NUBPL: variants seen among roughly 807,000 people sequenced by gnomAD.
NUBPL encodes the protein iron-sulfur cluster transfer protein NUBPL.
In NUBPL, 31 loss-of-function variants were observed where a neutral mutation model predicts 45.7. That is an observed-to-expected ratio of 0.68 (90% CI 0.51 to 0.92). NUBPL has a LOEUF of 0.92. Among genes scored for constraint, NUBPL ranks in the 40% least tolerant of loss-of-function variants. The pLI is 0.00. For missense variants in NUBPL, 401 were observed against 398.7 expected, an observed-to-expected ratio of 1.01 and a Z score of -0.05; for synonymous variants, 144 against 140.9, an observed-to-expected ratio of 1.02 and a Z score of -0.15.
intron 4 of NUBPL, among the ~76,000 whole-genome samples, chr14:31,641,985 G>C (rs1056277418): frequency 6.6e-6 from 1 of 152,066 alleles, no homozygotes; most frequent in Non-Finnish European, 1.5e-5. Context: ...GTCTTCTTTT[G>C]AGAAACATCT....
chr14:31,767,369 A>AT (rs940159090), intron 6 of NUBPL, among the ~76,000 whole-genome samples: 3 of 151,798 alleles, frequency 2.0e-5, no homozygotes, highest in African/African-American at 7.3e-5. Flanking sequence ...TGCCTGGCTA[A>AT]TTTTTTTGTA....
At chr14:31,632,387 C>G (rs1474769638) in intron 4 of NUBPL, among the ~76,000 whole-genome samples, 1 of 152,158 alleles carries the variant, frequency 6.6e-6, no homozygotes, top group Non-Finnish European at 1.5e-5. Context: ...AATTAAATTC[C>G]TTGACCACCC....
intron 9 of NUBPL, among the ~76,000 whole-genome samples, 199 bp downstream of exon 9, chr14:31,846,790 A>G (rs145054967): frequency 0.015 from 2,217 of 152,156 alleles, 35 homozygotes; most frequent in African/African-American, 0.045. Context: ...CCCTGTCTCT[A>G]CTAAAAATAC....
chr14:31,600,596 T>C (rs1282029675), intron 4 of NUBPL, among the ~76,000 whole-genome samples: 1 of 152,228 alleles, frequency 6.6e-6, no homozygotes, highest in African/African-American at 2.4e-5. Flanking sequence ...AGCAATTTTA[T>C]TGGAGGACCT....
At chr14:31,729,306 A>C (rs959696792) in intron 6 of NUBPL, among the ~76,000 whole-genome samples, 4 of 135,466 alleles carry the variant, frequency 3.0e-5, no homozygotes, top group African/African-American at 1.0e-4. Flanking sequence ...AAGTCATTCA[A>C]CAAATATGTA....
chr14:31,632,926 C>G (rs996270063), intron 4 of NUBPL, among the ~76,000 whole-genome samples: 3 of 152,120 alleles, frequency 2.0e-5, no homozygotes, highest in Admixed American at 1.3e-4. Flanking sequence ...ATATGTTAAT[C>G]TATATTTTAC....
chr14:31,829,605 C>A (rs1423589810), intron 8 of NUBPL, among the ~76,000 whole-genome samples: 1 of 152,092 alleles, frequency 6.6e-6, no homozygotes, highest in African/African-American at 2.4e-5. Flanking sequence ...AGATGTTATG[C>A]TTTGTTTATA....
chr14:31,821,936 A>T (rs1237102159), intron 7 of NUBPL, among the ~76,000 whole-genome samples: 1 of 152,264 alleles, frequency 6.6e-6, no homozygotes, highest in Non-Finnish European at 1.5e-5. Flanking sequence ...GCCTGGCCAG[A>T]AAGACAAACA....
At chr14:31,799,721 A>T (rs755759671) in intron 7 of NUBPL, among the ~76,000 whole-genome samples, 6 of 152,216 alleles carry the variant, frequency 3.9e-5, no homozygotes. Context: ...TTATCAGGTC[A>T]TGCTCTTTTT....
intron 7 of NUBPL, among the ~76,000 whole-genome samples, chr14:31,802,468 G>A (rs543985758): frequency 2.0e-5 from 3 of 152,120 alleles, no homozygotes; most frequent in African/African-American, 7.2e-5. Context: ...AGTAGAGACC[G>A]GGTTTCACCA....
chr14:31,773,129 G>A (rs1349536370), intron 6 of NUBPL, among the ~76,000 whole-genome samples: 1 of 151,940 alleles, frequency 6.6e-6, no homozygotes, highest in Non-Finnish European at 1.5e-5. Flanking sequence ...GATTTTTATT[G>A]TGGCATTTAT....
intron 6 of NUBPL, among the ~76,000 whole-genome samples, chr14:31,706,916 G>A (rs550669633): frequency 2.0e-5 from 3 of 152,142 alleles, no homozygotes; most frequent in African/African-American, 7.2e-5. Flanking sequence ...ACTTAAAATT[G>A]GTATAGATGG....
intron 7 of NUBPL, among the ~76,000 whole-genome samples, chr14:31,818,848 A>C (rs948373265): frequency 6.6e-6 from 1 of 152,196 alleles, no homozygotes; most frequent in Admixed American, 6.5e-5. Context: ...GTGCCCAGCC[A>C]ATTGATATAA....
At chr14:31,640,601 TGA>T (rs1303034600) in intron 4 of NUBPL, among the ~76,000 whole-genome samples, 11 of 130,666 alleles carry the variant, frequency 8.4e-5, no homozygotes, top group African/African-American at 3.5e-4. Context: ...GGCGACAGAG[TGA>T]GACTCTGTCT....
chr14:31,602,930 A>G (rs2139570818), intron 4 of NUBPL, among the ~76,000 whole-genome samples: 1 of 152,328 alleles, frequency 6.6e-6, no homozygotes, highest in Non-Finnish European at 1.5e-5. Context: ...TAATTTTTAA[A>G]TACCTCTTTA....
At position 31,706,069 on chromosome 14, in the gene NUBPL, T is replaced by C. The variant is rs550886461; in HGVS notation, c.513+32495T>C. Among the ~76,000 whole-genome samples the C allele has an allele frequency of 3.9e-5, 6 of 152,270 alleles. No individual in the cohort carries two copies. In the South Asian group the frequency reaches 6.2e-4, roughly 16 times the overall value. ...ATAGCGCATCGGCAGGCTGAAGGGC[T>C]CCTCGAGCACAGCCAGAGTGGACAC... is the stretch of plus-strand genomic sequence containing the variant. On this transcript the variant is annotated intron_variant, in intron 6 of 10. Transcript: ENST00000281081.
intron 4 of NUBPL, among the ~76,000 whole-genome samples, chr14:31,635,488 T>C (rs2035467012): frequency 6.6e-6 from 1 of 152,050 alleles, no homozygotes; most frequent in Non-Finnish European, 1.5e-5. Context: ...TTTTGGTTAC[T>C]GTAGCCTTGT....
chr14:31,806,012 T>A (rs7145823), intron 7 of NUBPL, among the ~76,000 whole-genome samples: 55,005 of 152,082 alleles, frequency 0.36, 12,036 homozygotes, highest in East Asian at 0.61. Flanking sequence ...CAATATGTGG[T>A]CAGGTTCTTA....
intron 6 of NUBPL, among the ~76,000 whole-genome samples, chr14:31,734,217 C>G (rs919851999): frequency 6.6e-6 from 1 of 152,166 alleles, no homozygotes; most frequent in Admixed American, 6.5e-5. Context: ...ACATAAAAGG[C>G]TTCAGAATCC....
Sources: allele counts gnomAD v4.1 joint callset (sites outside exome capture counted in the v4.1 genomes callset), GRCh38; gene constraint gnomAD v4.1.1; transcripts MANE v1.5; gene names NCBI Gene and HGNC (gene_info 2026-07-23, HGNC 2026-07-21).